FRAS1: variants seen among roughly 807,000 people sequenced by gnomAD.
The protein encoded by FRAS1 is Fraser extracellular matrix complex subunit 1.
Under a neutral mutation model 435.2 loss-of-function variants are expected in FRAS1, and 290 were observed. The ratio of observed to expected loss-of-function variants is 0.67; its 90% CI spans 0.61 to 0.73. The LOEUF is 0.73. Ranked by LOEUF, FRAS1 falls within the 30% of genes least tolerant of loss-of-function variation. The pLI is 0.00. For synonymous variants in FRAS1, 1,800 were observed against 1,851.0 expected, an observed-to-expected ratio of 0.97 and a Z score of 0.71; for missense variants, 4,860 against 5,001.5, an observed-to-expected ratio of 0.97 and a Z score of 0.85.
chr4:78,106,294 A>G (rs947347550), intron 2 of FRAS1, among the ~76,000 whole-genome samples: 4 of 83,622 alleles, frequency 4.8e-5, no homozygotes, highest in South Asian at 7.9e-4. Flanking sequence ...CTCTGGGGGC[A>G]GGGCACAGGC....
intron 26 of FRAS1, among the ~76,000 whole-genome samples, chr4:78,378,547 TG>T (rs1174821219): frequency 6.6e-6 from 1 of 152,158 alleles, no homozygotes; most frequent in African/African-American, 2.4e-5. Flanking sequence ...CAGTAATCCA[TG>T]AGGTTTTGAT....
chr4:78,203,935 C>CT (rs1723149252), intron 2 of FRAS1, among the ~76,000 whole-genome samples: 1 of 152,118 alleles, frequency 6.6e-6, no homozygotes, highest in Non-Finnish European at 1.5e-5. Flanking sequence ...CTTTTCACAT[C>CT]TTTGTTAGTG....
chr4:78,476,989 TA>T (rs11355533), intron 54 of FRAS1, among the ~76,000 whole-genome samples: 135,458 of 143,304 alleles, frequency 0.95, 64,169 homozygotes, highest in South Asian at 1. Context: ...TCTTTCTTTT[TA>T]AAAAAAAAAA....
chr4:78,091,659 A>T (rs1317848405), intron 2 of FRAS1, among the ~76,000 whole-genome samples: 2 of 151,438 alleles, frequency 1.3e-5, no homozygotes, highest in Admixed American at 6.6e-5. Flanking sequence ...CTATATATAT[A>T]TTTTGGAGAT....
chr4:78,244,316 T>C (rs1725139081), intron 3 of FRAS1, among the ~76,000 whole-genome samples: 1 of 152,142 alleles, frequency 6.6e-6, no homozygotes, highest in Non-Finnish European at 1.5e-5. Flanking sequence ...GGTTGAATTC[T>C]TGGTAGACTT....
Position 78,393,434 on chromosome 4 carries a change from G to A in FRAS1, c.3975+5733G>A, listed in dbSNP as rs76878631. On this transcript the variant is annotated intron_variant, in intron 29 of 73. Transcript: ENST00000512123. ...TTACGTTTTGACCATCCATCTCCCC[G>A]TTTCCCCTTTCTCCCAGCCCCTTGC... Among the ~76,000 whole-genome samples the A allele has an allele frequency of 6.9e-3, 1,053 of 151,838 alleles. 16 individuals are homozygous for A. Among genetic ancestry groups the A allele is most frequent in the African/African-American group, 0.024 (1,000 of 41,438 alleles).
chr4:78,527,981 G>A (rs906508562), intron 70 of FRAS1, among the ~76,000 whole-genome samples: 1 of 152,100 alleles, frequency 6.6e-6, no homozygotes, highest in Admixed American at 6.6e-5. Flanking sequence ...AGCACAGAGA[G>A]TTCATCCACT....
At chr4:78,486,881 T>C (rs992484070) in intron 58 of FRAS1, among the ~76,000 whole-genome samples, 2 of 151,102 alleles carry the variant, frequency 1.3e-5, no homozygotes, top group Non-Finnish European at 2.9e-5. Context: ...AGAGTGAATG[T>C]CTTGTTAAAG....
At position 78,149,220 on chromosome 4, in the gene FRAS1, A is replaced by T. The variant is rs189739792; in HGVS notation, c.108+83204A>T. On this transcript the variant is annotated intron_variant, in intron 2 of 73. Transcript: ENST00000512123. ...GTGAGTGCCATGTTTTGGTTACTAG[A>T]CCCAGGGCCTGAGCATTCTTGGCAG... Among the ~76,000 whole-genome samples, 3 of 152,224 alleles carry T rather than the reference A, an allele frequency of 2.0e-5. No homozygotes were observed. The East Asian group carries it at 5.8e-4, about 29-fold the overall frequency.
At chr4:78,420,551 C>G (rs1419836261) in intron 33 of FRAS1, among the ~76,000 whole-genome samples, 1 of 152,184 alleles carries the variant, frequency 6.6e-6, no homozygotes, top group African/African-American at 2.4e-5. Flanking sequence ...CAGCATTTAT[C>G]ACAAGCAGAG....
chr4:78,065,158 T>C (rs1208520064), intron 1 of FRAS1, among the ~76,000 whole-genome samples: 1 of 146,222 alleles, frequency 6.8e-6, no homozygotes, highest in African/African-American at 2.5e-5. Flanking sequence ...ATATAGTATA[T>C]AGTGGGTATA....
At chr4:78,231,272 T>C (rs1724509542) in intron 2 of FRAS1, among the ~76,000 whole-genome samples, 1 of 151,536 alleles carries the variant, frequency 6.6e-6, no homozygotes, top group Non-Finnish European at 1.5e-5. Flanking sequence ...ATTTTAAAAG[T>C]AACTTCAAAA....
intron 14 of FRAS1, among the ~76,000 whole-genome samples, chr4:78,295,640 T>C (rs960535671): frequency 6.6e-6 from 1 of 152,166 alleles, no homozygotes; most frequent in South Asian, 2.1e-4. Flanking sequence ...ATTCCCATTC[T>C]CCTTCTTCCC....
At chr4:78,112,705 C>T (rs1016388683) in intron 2 of FRAS1, among the ~76,000 whole-genome samples, 2 of 152,030 alleles carry the variant, frequency 1.3e-5, no homozygotes, top group African/African-American at 4.8e-5. Flanking sequence ...GTCTATGCTT[C>T]ATAGATATAT....
chr4:78,183,817 A>G (rs375176186), intron 2 of FRAS1, among the ~76,000 whole-genome samples: 19 of 143,336 alleles, frequency 1.3e-4, no homozygotes, highest in Non-Finnish European at 2.1e-4. Flanking sequence ...AAGGTGGTCA[A>G]CACATTATAT....
intron 20 of FRAS1, among the ~76,000 whole-genome samples, chr4:78,340,376 T>C (rs1730349231): frequency 6.6e-6 from 1 of 152,208 alleles, no homozygotes; most frequent in Admixed American, 6.5e-5. Context: ...GTTTGATCAG[T>C]AATTTCAGTT....
chr4:78,382,785 C>A (rs908334006), intron 27 of FRAS1, among the ~76,000 whole-genome samples: 1 of 152,176 alleles, frequency 6.6e-6, no homozygotes, highest in African/African-American at 2.4e-5. Context: ...AGTTCCGTAA[C>A]CCCAAAAGTC....
chr4:78,463,352 G>A (rs1028356589), intron 47 of FRAS1, among the ~76,000 whole-genome samples: 8 of 152,228 alleles, frequency 5.3e-5, no homozygotes, highest in Admixed American at 2.0e-4. Flanking sequence ...TCTCTATTAT[G>A]TTATTAAAGG....
At chr4:78,523,828 C>A (rs1721458725) in intron 69 of FRAS1, among the ~76,000 whole-genome samples, 1 of 152,112 alleles carries the variant, frequency 6.6e-6, no homozygotes, top group Admixed American at 6.5e-5. Context: ...TTGGATGAAG[C>A]CCACCCTCCT....
Sources: allele counts gnomAD v4.1 joint callset (sites outside exome capture counted in the v4.1 genomes callset), GRCh38; gene constraint gnomAD v4.1.1; transcripts MANE v1.5; gene names NCBI Gene and HGNC (gene_info 2026-07-23, HGNC 2026-07-21).